The following HS3ST4 variants were observed in gnomAD, a reference collection of about 807,000 sequenced individuals.
HS3ST4 encodes heparan sulfate glucosamine 3-O-sulfotransferase 4.
Under a neutral mutation model 29.2 loss-of-function variants are expected in HS3ST4, and 17 were observed. The ratio of observed to expected loss-of-function variants is 0.58; its 90% CI spans 0.40 to 0.87. HS3ST4 has a LOEUF of 0.87. HS3ST4 is among the 40% of genes least tolerant of loss of function. The probability of loss-of-function intolerance (pLI) is 0.00; values close to 1 mark genes in which losing one functional copy is unlikely to be tolerated. For synonymous variants in HS3ST4, 314 were observed against 285.7 expected, an observed-to-expected ratio of 1.10 and a Z score of -1.00; for missense variants, 627 against 634.5, an observed-to-expected ratio of 0.99 and a Z score of 0.13.
At chr16:25,892,583 C>T (rs118143297) in intron 1 of HS3ST4, among the ~76,000 whole-genome samples, 6,012 of 152,088 alleles carry the variant, frequency 0.04, 143 homozygotes, top group Non-Finnish European at 0.052. Flanking sequence ...GCCTGGTATC[C>T]GTCTTTGATT....
rs1483422169 is a variant in HS3ST4, at chr16:25,756,754, G to T, written c.734+63603G>T. Among the ~76,000 whole-genome samples, 3 of 152,102 alleles carry T rather than the reference G, an allele frequency of 2.0e-5. No individual in the cohort carries two copies. The East Asian group carries it at 5.8e-4, about 29-fold the overall frequency. On this transcript the variant is annotated intron_variant, in intron 1 of 1. Transcript: ENST00000331351. ...GCACAGAGAGATGAGGAAGGATAAA[G>T]AATTACAGTGGAGTTGAAAACACTG...
At chr16:25,812,506 A>G (rs116931582) in intron 1 of HS3ST4, among the ~76,000 whole-genome samples, 1,718 of 151,974 alleles carry the variant, frequency 0.011, 15 homozygotes, top group Non-Finnish European at 0.019. Flanking sequence ...TAATTAAGAG[A>G]TTTTCCTGTA....
chr16:25,828,301 C>CCCCT (rs1967253350), intron 1 of HS3ST4, among the ~76,000 whole-genome samples: 1 of 32,882 alleles, frequency 3.0e-5, no homozygotes, highest in Non-Finnish European at 5.5e-5. Context: ...TCTTTCTTTC[C>CCCCT]CTCTCTCTCT....
intron 1 of HS3ST4, among the ~76,000 whole-genome samples, chr16:26,082,628 C>A (rs1898737411): frequency 6.6e-6 from 1 of 152,136 alleles, no homozygotes. Context: ...TAGGCGTGGT[C>A]ATGTGACTTG....
intron 1 of HS3ST4, among the ~76,000 whole-genome samples, chr16:25,811,533 A>C (rs1967042308): frequency 6.7e-6 from 1 of 150,024 alleles, no homozygotes; most frequent in African/African-American, 2.5e-5. Flanking sequence ...TCCCAGGTTC[A>C]AGTGATTCTC....
chr16:25,794,913 AC>A, intron 1 of HS3ST4, among the ~76,000 whole-genome samples: 2 of 92,068 alleles, frequency 2.2e-5, no homozygotes, highest in African/African-American at 8.2e-5. Flanking sequence ...ACACACACAC[AC>A]ACACACACAC....
intron 1 of HS3ST4, among the ~76,000 whole-genome samples, chr16:25,934,018 C>T (rs929925142): frequency 6.6e-6 from 1 of 152,210 alleles, no homozygotes; most frequent in African/African-American, 2.4e-5. Flanking sequence ...AATATCTTCA[C>T]CTCTATCTTA....
intron 1 of HS3ST4, among the ~76,000 whole-genome samples, chr16:26,050,426 A>G (rs767734202): frequency 1.3e-5 from 2 of 152,192 alleles, no homozygotes; most frequent in Non-Finnish European, 2.9e-5. Flanking sequence ...TTCACTCTAT[A>G]AACAGGATTG....
At chr16:25,994,725 A>G (rs1056812376) in intron 1 of HS3ST4, among the ~76,000 whole-genome samples, 1 of 151,894 alleles carries the variant, frequency 6.6e-6, no homozygotes, top group Non-Finnish European at 1.5e-5. Context: ...TTTGTAACTA[A>G]AAAAAATATA....
chr16:25,855,199 A>G (rs111279157), intron 1 of HS3ST4, among the ~76,000 whole-genome samples: 5 of 152,282 alleles, frequency 3.3e-5, no homozygotes, highest in African/African-American at 1.2e-4. Context: ...GGACTTGAAG[A>G]TGGTAGAAAA....
At chr16:26,087,592 T>C (rs1898805466) in intron 1 of HS3ST4, among the ~76,000 whole-genome samples, 1 of 152,110 alleles carries the variant, frequency 6.6e-6, no homozygotes, top group East Asian at 1.9e-4. Context: ...TCCACCACTA[T>C]AGGCTAAGCT....
chr16:25,940,510 A>G (rs1968562200), intron 1 of HS3ST4, among the ~76,000 whole-genome samples: 1 of 152,216 alleles, frequency 6.6e-6, no homozygotes, highest in South Asian at 2.1e-4. Flanking sequence ...GGATTTGCAG[A>G]ATGAACCAGA....
chr16:25,698,873 T>G (rs906802895), intron 1 of HS3ST4, among the ~76,000 whole-genome samples: 8 of 152,202 alleles, frequency 5.3e-5, no homozygotes, highest in African/African-American at 1.9e-4. Context: ...CGAGGTAGAC[T>G]AGGTGGAGAG....
chr16:26,135,817 C>A lies in HS3ST4; in HGVS notation c.940C>A (p.Leu314Met), dbSNP rs994136405. The change falls in exon 2 of 2, where the codon CTG (leucine) becomes ATG (methionine). Residue 314 changes from leucine (L) to methionine (M), a missense_variant. Leu to Met is a conservative substitution (Grantham distance 15). This residue lies in a region of HS3ST4 where 225 missense variants were observed against 293.7 expected (regional missense o/e 0.77). Coordinates refer to ENST00000331351, the MANE Select transcript of HS3ST4 (RefSeq NM_006040.3). ...KKPEIPTFEVLAFKNRTLGLI... is the reference protein window; with the variant it reads ...KKPEIPTFEVMAFKNRTLGLI... ...ACCCGAGATCCCCACCTTTGAGGTG[C>A]TGGCCTTCAAAAACCGGACCCTCGG... 1 of 1,614,070 alleles carries A rather than the reference C, an allele frequency of 6.2e-7. No individual in the cohort carries two copies. Among genetic ancestry groups the A allele is most frequent in the Non-Finnish European group, 8.5e-7 (1 of 1,179,914 alleles).
intron 1 of HS3ST4, among the ~76,000 whole-genome samples, chr16:25,934,758 G>C (rs1968502569): frequency 6.6e-6 from 1 of 152,146 alleles, no homozygotes; most frequent in South Asian, 2.1e-4. Context: ...TGGGTCCACT[G>C]TTGCCAGGTA....
chr16:25,847,403 T>C (rs2141647855), intron 1 of HS3ST4, among the ~76,000 whole-genome samples: 1 of 152,310 alleles, frequency 6.6e-6, no homozygotes, highest in Non-Finnish European at 1.5e-5. Flanking sequence ...AGTTTAGTAG[T>C]TTTTGTTGGG....
intron 1 of HS3ST4, among the ~76,000 whole-genome samples, chr16:25,695,237 C>T (rs928779095): frequency 2.6e-5 from 4 of 152,188 alleles, no homozygotes; most frequent in African/African-American, 9.7e-5. Context: ...CCCTGGTCCT[C>T]ACTTAAGGGG....
At chr16:26,031,758 C>T (rs1838588558) in intron 1 of HS3ST4, among the ~76,000 whole-genome samples, 1 of 150,962 alleles carries the variant, frequency 6.6e-6, no homozygotes, top group East Asian at 2.0e-4. Flanking sequence ...AGATACTTTC[C>T]ATAAACAATC....
intron 1 of HS3ST4, among the ~76,000 whole-genome samples, chr16:25,762,318 C>A (rs1966793406): frequency 6.6e-6 from 1 of 152,162 alleles, no homozygotes; most frequent in Admixed American, 6.5e-5. Flanking sequence ...CAGTCAGATT[C>A]CAGAGCCCAT....
Sources: gnomAD v4.1 joint callset for allele counts (sites outside exome capture counted in the v4.1 genomes callset) on GRCh38, gnomAD v4.1.1 for gene constraint, gnomAD v4.1.1 regional missense constraint, MANE v1.5 for transcripts, NCBI Gene and HGNC (gene_info 2026-07-23, HGNC 2026-07-21) for gene names.